The following C8orf74 variants were observed in gnomAD, a reference collection of about 807,000 sequenced individuals.
The protein encoded by C8orf74 is uncharacterized protein C8orf74.
Under a neutral mutation model 22.2 loss-of-function variants are expected in C8orf74, and 29 were observed. The observed-to-expected ratio is 1.31, with a 90% CI of 0.97 to 1.78. C8orf74 has a LOEUF of 1.78. Among genes scored for constraint, C8orf74 ranks in the 40% most tolerant of loss-of-function variants. The pLI is 0.00. For missense variants in C8orf74, 515 were observed against 369.9 expected (o/e 1.39, Z -3.22); for synonymous variants, 255 against 163.1 (o/e 1.56, Z -4.30).
At chr8:10,675,385 G>C (rs1799012085) in intron 2 of C8orf74, among the ~76,000 whole-genome samples, 1 of 152,220 alleles carries the variant, frequency 6.6e-6, no homozygotes, top group Non-Finnish European at 1.5e-5. Flanking sequence ...CCCACCTCTT[G>C]GGCAATGAAG....
intron 2 of C8orf74, chr8:10,691,482 AGG>A: frequency 1.9e-5 from 3 of 157,720 alleles, no homozygotes; most frequent in Non-Finnish European, 4.2e-5. Context: ...CCGTCAGGCC[AGG>A]CCAGGCTGGA....
intron 1 of C8orf74, among the ~76,000 whole-genome samples, chr8:10,673,326 T>G (rs1004615793): frequency 6.6e-6 from 1 of 152,150 alleles, no homozygotes; most frequent in African/African-American, 2.4e-5. Flanking sequence ...CTATAAGAAC[T>G]TTCCAGAAGG....
chr8:10,687,527 G>A (rs935936688), intron 2 of C8orf74, among the ~76,000 whole-genome samples: 72 of 148,434 alleles, frequency 4.9e-4, no homozygotes, highest in African/African-American at 1.7e-3. Context: ...CAGGAGAATC[G>A]CTTGAATCTG....
chr8:10,691,231 T>A (rs768158536), intron 2 of C8orf74: 1 of 304,850 alleles, frequency 3.3e-6, no homozygotes, highest in Non-Finnish European at 6.6e-6. Flanking sequence ...TATGACCTCT[T>A]AGGAGCAGGT....
chr8:10,683,794 C>A (rs1330865051), intron 2 of C8orf74, among the ~76,000 whole-genome samples: 1 of 152,226 alleles, frequency 6.6e-6, no homozygotes, highest in African/African-American at 2.4e-5. Context: ...ATCTGAGGCC[C>A]TCAGCTGTGA....
intron 2 of C8orf74, among the ~76,000 whole-genome samples, chr8:10,681,291 C>G (rs1799142782): frequency 6.6e-6 from 1 of 152,154 alleles, no homozygotes; most frequent in African/African-American, 2.4e-5. Flanking sequence ...GCCTTCTTGG[C>G]CAGCCTCTGG....
At chr8:10,687,310 T>A (rs1799281671) in intron 2 of C8orf74, 1 of 332,812 alleles carries the variant, frequency 3.0e-6, no homozygotes, top group South Asian at 2.3e-5. Context: ...TACCATGGAA[T>A]CAATATATGC....
At chr8:10,674,563 C>T in intron 1 of C8orf74, 83 bp from the exon 2 acceptor site, 1 of 1,050,500 alleles carries the variant, frequency 9.5e-7, no homozygotes, top group Non-Finnish European at 1.3e-6. Context: ...ACCCTATAGC[C>T]CCCATATCAC....
At chr8:10,697,161 C>A (rs896523519) in intron 2 of C8orf74, among the ~76,000 whole-genome samples, 11 of 152,080 alleles carry the variant, frequency 7.2e-5, no homozygotes, top group Admixed American at 7.2e-4. Flanking sequence ...CAGTTAGGGC[C>A]GGCATGGTGG....
chr8:10,690,128 G>C (rs1799342348), intron 2 of C8orf74, among the ~76,000 whole-genome samples: 1 of 152,200 alleles, frequency 6.6e-6, no homozygotes, highest in South Asian at 2.1e-4. Flanking sequence ...AGACCCCAAA[G>C]CCGCTTGGAG....
chr8:10,697,862 G>A lies in C8orf74; in HGVS notation c.505G>A (p.Ala169Thr), dbSNP rs1563165637. The change falls in exon 3 of 4, where the codon GCC becomes ACC. Residue 169 changes from alanine (A) to threonine (T), a missense_variant. Ala to Thr is a moderately conservative substitution (Grantham distance 58). Transcript: ENST00000304519. ...CTTGTGGATCCACGAGCAGCAGGTG[G>A]CCACACTGACGGAGGCCGAGGCACA... is the stretch of plus-strand genomic sequence containing the variant. ...RDLWIHEQQV[A>T]TLTEAEAQKR... 1.2e-6 allele frequency: 2 copies of A among 1,613,280 alleles called. No individual in the cohort carries two copies. The highest frequency in any genetic ancestry group is 2.7e-5 in the African/African-American group (2 of 75,058).
intron 2 of C8orf74, 41 bp downstream of exon 2, chr8:10,674,879 G>A (rs1427950582): frequency 6.6e-7 from 1 of 1,520,894 alleles, no homozygotes; most frequent in African/African-American, 1.4e-5. Context: ...AGGCTGGCGG[G>A]ATGGGGTGGG....
intron 2 of C8orf74, among the ~76,000 whole-genome samples, chr8:10,683,743 C>G (rs1476915238): frequency 6.6e-6 from 1 of 152,208 alleles, no homozygotes; most frequent in Non-Finnish European, 1.5e-5. Context: ...CAACCCCCAT[C>G]TGACAGACAT....
intron 2 of C8orf74, among the ~76,000 whole-genome samples, chr8:10,684,007 C>G (rs574562293): frequency 6.6e-6 from 1 of 152,158 alleles, no homozygotes; most frequent in African/African-American, 2.4e-5. Context: ...GGCCCTCCCA[C>G]GATGCTAGGC....
At chr8:10,679,135 G>C (rs1347916447) in intron 2 of C8orf74, among the ~76,000 whole-genome samples, 1 of 152,256 alleles carries the variant, frequency 6.6e-6, no homozygotes, top group East Asian at 1.9e-4. Flanking sequence ...TGTGCTTCAG[G>C]TCACTCGTCT....
intron 2 of C8orf74, among the ~76,000 whole-genome samples, chr8:10,685,221 G>A (rs1455815541): frequency 1.3e-5 from 2 of 152,200 alleles, no homozygotes; most frequent in Non-Finnish European, 2.9e-5. Flanking sequence ...TAGTGGATAG[G>A]AAACCAATAT....
intron 2 of C8orf74, among the ~76,000 whole-genome samples, chr8:10,684,827 C>T (rs183387815): frequency 5.3e-5 from 8 of 152,316 alleles, no homozygotes; most frequent in African/African-American, 1.7e-4. Flanking sequence ...TTGGCATATC[C>T]GAATTGCCAG....
chr8:10,675,286 G>A lies in C8orf74; in HGVS notation c.241+448G>A, dbSNP rs150194730. The stretch of plus-strand genomic sequence containing the variant: ...AGATGGGGGATGCAGTCAGGTGGGT[G>A]CATGGAAGCAGCATTGCCCACTCCC... On this transcript the variant is annotated intron_variant, in intron 2 of 3. Coordinates refer to ENST00000304519, the MANE Select transcript of C8orf74 (RefSeq NM_001040032.2). Among the ~76,000 whole-genome samples the A allele has an allele frequency of 2.0e-5, 3 of 152,360 alleles. 1 individual carries two copies. The highest frequency in any genetic ancestry group is 6.5e-5 in the Admixed American group (1 of 15,308).
At chr8:10,690,776 G>C in intron 2 of C8orf74, 1 of 439,452 alleles carries the variant, frequency 2.3e-6, no homozygotes, top group Non-Finnish European at 4.6e-6. Context: ...CCCTGATCGT[G>C]GAGCTTCCCG....
Sources: allele counts gnomAD v4.1 joint callset (sites outside exome capture counted in the v4.1 genomes callset), GRCh38; gene constraint gnomAD v4.1.1; transcripts MANE v1.5; gene names NCBI Gene and HGNC (gene_info 2026-07-23, HGNC 2026-07-21).